AFAP1: variants seen among roughly 807,000 people sequenced by gnomAD.
AFAP1 encodes the protein actin filament associated protein 1, also known as actin filament-associated protein 1.
In AFAP1, 75 loss-of-function variants were observed where a neutral mutation model predicts 93.9. The observed-to-expected ratio is 0.80, with a 90% CI of 0.66 to 0.97. The LOEUF is 0.97. Among genes scored for constraint, AFAP1 ranks in the 50% least tolerant of loss-of-function variants. The probability of loss-of-function intolerance (pLI) is 0.00; values close to 1 mark genes in which losing one functional copy is unlikely to be tolerated. For synonymous variants in AFAP1, 517 were observed against 430.7 expected (o/e 1.20, Z -2.48); for missense variants, 1,201 against 1,050.8 (o/e 1.14, Z -1.98).
chr4:7,910,649 C>CG (rs1369757459), intron 1 of AFAP1, among the ~76,000 whole-genome samples: 1 of 152,228 alleles, frequency 6.6e-6, no homozygotes, highest in African/African-American at 2.4e-5. Flanking sequence ...CTCTCTCCCC[C>CG]GTTCACCCGT....
chr4:7,813,483 GACACACAT>G (rs1476501772), intron 8 of AFAP1, among the ~76,000 whole-genome samples: 1 of 152,194 alleles, frequency 6.6e-6, no homozygotes, highest in Non-Finnish European at 1.5e-5. Context: ...AGTGCATCCA[GACACACAT>G]ATTATTCTGT....
rs1000969166 is a variant in AFAP1 at position 7,897,955 on chromosome 4, A to T, written c.-2-25875T>A. On this transcript the variant is annotated intron_variant, in intron 1 of 17. Coordinates refer to ENST00000420658, the MANE Select transcript of AFAP1 (RefSeq NM_001134647.2). ...TCCCCATCCCAATAACAGCATCTCT[A>T]GTCTTCTAGTTACTCAGGCCAAAAT... Among the ~76,000 whole-genome samples, 4 of 152,136 alleles carry T rather than the reference A, an allele frequency of 2.6e-5. No homozygotes were observed. The South Asian group carries it at 8.3e-4, about 32-fold the overall frequency.
At chr4:7,774,939 G>T in intron 14 of AFAP1, 36 bp from the exon 15 acceptor site, 1 of 1,597,660 alleles carries the variant, frequency 6.3e-7, no homozygotes, top group Non-Finnish European at 8.5e-7. Flanking sequence ...TAAAAATTAG[G>T]TTTACTAGCC....
intron 16 of AFAP1, 40 bp from the exon 17 acceptor site, chr4:7,769,048 T>C (rs1363045431): frequency 6.5e-7 from 1 of 1,544,126 alleles, no homozygotes; most frequent in South Asian, 1.2e-5. Context: ...GAGCGGTTTC[T>C]GGGCCACTGG....
chr4:7,797,211 C>T (rs966546682), intron 10 of AFAP1, among the ~76,000 whole-genome samples: 2 of 152,120 alleles, frequency 1.3e-5, no homozygotes, highest in African/African-American at 4.8e-5. Context: ...TAGAACGTCA[C>T]CATTTAGAAA....
At chr4:7,837,703 T>C (rs1038713464) in intron 6 of AFAP1, among the ~76,000 whole-genome samples, 6 of 151,594 alleles carry the variant, frequency 4.0e-5, no homozygotes, top group African/African-American at 1.2e-4. Context: ...ACAAGAAAAA[T>C]AAACCAGACT....
chr4:7,768,698 G>A, intron 17 of AFAP1, 146 bp downstream of exon 17: 1 of 1,025,846 alleles, frequency 9.7e-7, no homozygotes, highest in Non-Finnish European at 1.3e-6. Context: ...AACTCGATAA[G>A]CACCCATTCC....
intron 3 of AFAP1, among the ~76,000 whole-genome samples, chr4:7,858,233 CAGA>C (rs1202734130): frequency 6.6e-6 from 1 of 152,182 alleles, no homozygotes; most frequent in Admixed American, 6.5e-5. Flanking sequence ...TACACAGAGG[CAGA>C]AGGTCATTCA....
At chr4:7,931,400 T>C (rs919973087) in intron 1 of AFAP1, among the ~76,000 whole-genome samples, 2 of 152,240 alleles carry the variant, frequency 1.3e-5, no homozygotes, top group South Asian at 2.1e-4. Context: ...TTTTTTGTTT[T>C]TGTTTTTCAG....
At chr4:7,763,891 G>C in intron 17 of AFAP1, 100 bp from the exon 18 acceptor site, 2 of 1,166,816 alleles carry the variant, frequency 1.7e-6, no homozygotes, top group East Asian at 2.6e-5. Flanking sequence ...GTGGGTGCTC[G>C]GCTACTGCAG....
At chr4:7,775,555 C>T (rs1716012601) in intron 14 of AFAP1, 1 of 152,266 alleles carries the variant, frequency 6.6e-6, no homozygotes, top group Admixed American at 6.5e-5. Flanking sequence ...CTCTGAATTG[C>T]TGCTACACCC....
In AFAP1 at chr4:7,790,155, C is replaced by G. The variant is rs185875951; in HGVS notation, c.1412+3526G>C. ...GCAAAACATTTAATCTTAGAATATTCATCACACTGGCAAGCAACCATATTT... is the reference window on the plus strand; with the variant it reads ...GCAAAACATTTAATCTTAGAATATTGATCACACTGGCAAGCAACCATATTT... On this transcript the variant is annotated intron_variant, in intron 11 of 17. Transcript: ENST00000420658. Among the ~76,000 whole-genome samples, 21 of 152,290 alleles carry G rather than the reference C, an allele frequency of 1.4e-4. No homozygotes were observed. The East Asian group carries it at 3.9e-3, about 28-fold the overall frequency.
Position 7,835,847 on chromosome 4 carries a change from G to T in AFAP1, c.726+2677C>A, listed in dbSNP as rs1355140142. Among the ~76,000 whole-genome samples the T allele has an allele frequency of 5.3e-5, 8 of 151,746 alleles. No homozygotes were observed. The South Asian group carries it at 1.5e-3, about 28-fold the overall frequency. ...TGAATGGACTGTGGGCTGTCTTGAG[G>T]TTACCTGGGTGGCTCTTGAATGGAC... On this transcript the variant is annotated intron_variant, in intron 6 of 17. Transcript: ENST00000420658.
intron 10 of AFAP1, among the ~76,000 whole-genome samples, chr4:7,796,564 A>G (rs1205324009): frequency 6.6e-6 from 1 of 151,680 alleles, no homozygotes; most frequent in Non-Finnish European, 1.5e-5. Context: ...CCTGGCTAAC[A>G]CGGTGAAACC....
At chr4:7,819,301 G>C (rs1373595702) in intron 6 of AFAP1, 130 bp from the exon 7 acceptor site, 2 of 713,016 alleles carry the variant, frequency 2.8e-6, no homozygotes, top group Non-Finnish European at 4.3e-6. Flanking sequence ...ACCTGGCTCT[G>C]AGTTCCAGCG....
chr4:7,824,428 C>T (rs1180966447), intron 6 of AFAP1, among the ~76,000 whole-genome samples: 1 of 144,412 alleles, frequency 6.9e-6, no homozygotes, highest in Non-Finnish European at 1.5e-5. Context: ...TTTGTGTACA[C>T]ACACACACAC....
rs894465222 is a variant in AFAP1 at position 7,758,969 on chromosome 4, TATTTA to T, written c.*4791_*4795del. ...TCATTTGAAGTGGGCACTACTAACA[TATTTA>T]ATTTAAAAAAATCTTTGCTGTTTCT... On this transcript the variant is annotated 3_prime_UTR_variant, in exon 18 of 18. Transcript: ENST00000420658. 17 of 152,422 alleles carry T rather than the reference TATTTA, an allele frequency of 1.1e-4. No individual in the cohort carries two copies. The highest frequency in any genetic ancestry group is 2.4e-4 in the African/African-American group (10 of 41,466). The allele number at this position is 152,422 out of a possible 1,614,324, so 9.4% of individuals were successfully genotyped here.
intron 11 of AFAP1, among the ~76,000 whole-genome samples, chr4:7,791,980 T>C (rs149874894): frequency 6.6e-6 from 1 of 152,134 alleles, no homozygotes; most frequent in African/African-American, 2.4e-5. Flanking sequence ...AGTGTTCACA[T>C]GTTTGTAAAC....
At position 7,758,843 on chromosome 4, in the gene AFAP1, C is replaced by T. The variant is rs1339874122; in HGVS notation, c.*4922G>A. 3 of 152,116 alleles carry T rather than the reference C, an allele frequency of 2.0e-5. No individual in the cohort carries two copies. The highest frequency in any genetic ancestry group is 1.9e-4 in the East Asian group (1 of 5,200). 9.4% of individuals were successfully genotyped at this position (152,116 alleles called of 1,614,324 possible). On this transcript the variant is annotated 3_prime_UTR_variant, in exon 18 of 18. Coordinates refer to ENST00000420658, the MANE Select transcript of AFAP1 (RefSeq NM_001134647.2). Reference sequence around the variant, plus strand: ...TCAGTGAAGCTACTACAAAGTGGGGCGAGTGGACTGAAAACTAGGATTTTC... The same window carrying T: ...TCAGTGAAGCTACTACAAAGTGGGGTGAGTGGACTGAAAACTAGGATTTTC...
Sources: allele counts gnomAD v4.1 joint callset (sites outside exome capture counted in the v4.1 genomes callset), GRCh38; gene constraint gnomAD v4.1.1; transcripts MANE v1.5; gene names NCBI Gene and HGNC (gene_info 2026-07-23, HGNC 2026-07-21).